MYO1D: variants seen among roughly 807,000 people sequenced by gnomAD.
MYO1D encodes myosin ID, also known as unconventional myosin-Id.
Under a neutral mutation model 122.0 loss-of-function variants are expected in MYO1D, and 83 were observed. The ratio of observed to expected loss-of-function variants is 0.68; its 90% CI spans 0.57 to 0.82. The LOEUF (loss-of-function observed/expected upper bound fraction) is 0.82, where lower values mean the gene tolerates loss of function less well. Ranked by LOEUF, MYO1D falls within the 40% of genes least tolerant of loss-of-function variation. The pLI, the probability that MYO1D is intolerant of heterozygous loss-of-function variation, is 0.00. For missense variants in MYO1D, 1,157 were observed against 1,269.5 expected, an observed-to-expected ratio of 0.91 and a Z score of 1.35; for synonymous variants, 464 against 446.9, an observed-to-expected ratio of 1.04 and a Z score of -0.48.
chr17:32,644,421 C>G (rs528306918), intron 19 of MYO1D, among the ~76,000 whole-genome samples: 29 of 152,252 alleles, frequency 1.9e-4, no homozygotes, highest in African/African-American at 5.5e-4. Context: ...CTGTAGATGT[C>G]TATTAGGTCC....
intron 1 of MYO1D, among the ~76,000 whole-genome samples, chr17:32,797,596 A>G (rs1477106029): frequency 6.6e-6 from 1 of 152,236 alleles, no homozygotes; most frequent in African/African-American, 2.4e-5. Flanking sequence ...CTGTGCCTAA[A>G]TTAAAAATTA....
intron 1 of MYO1D, among the ~76,000 whole-genome samples, chr17:32,876,524 C>A (rs1248655894): frequency 2.6e-5 from 4 of 152,160 alleles, no homozygotes; most frequent in African/African-American, 9.7e-5. Context: ...GCGCCCAGGG[C>A]TCCCCTCTCA....
chr17:32,674,442 T>C (rs1219712392), intron 16 of MYO1D, among the ~76,000 whole-genome samples: 2 of 152,224 alleles, frequency 1.3e-5, no homozygotes, highest in Non-Finnish European at 2.9e-5. Context: ...TGACTGGTAT[T>C]ACCCCAAGAG....
At chr17:32,669,432 G>A (rs185300232) in intron 16 of MYO1D, among the ~76,000 whole-genome samples, 2 of 152,328 alleles carry the variant, frequency 1.3e-5, no homozygotes, top group East Asian at 3.9e-4. Context: ...CCTATCTCAT[G>A]TCTAGTCACA....
intron 1 of MYO1D, among the ~76,000 whole-genome samples, chr17:32,835,018 A>AAAAC (rs901250367): frequency 6.6e-6 from 1 of 152,178 alleles, no homozygotes; most frequent in Non-Finnish European, 1.5e-5. Context: ...TTCAAAAACA[A>AAAAC]AAACAAACAA....
intron 20 of MYO1D, among the ~76,000 whole-genome samples, chr17:32,635,453 C>T (rs141446568): frequency 7.9e-5 from 12 of 152,242 alleles, no homozygotes; most frequent in African/African-American, 1.7e-4. Context: ...GTAATCCCAG[C>T]GCTTTGAGAG....
chr17:32,684,736 A>G (rs2088981044), intron 16 of MYO1D, among the ~76,000 whole-genome samples: 1 of 152,202 alleles, frequency 6.6e-6, no homozygotes, highest in African/African-American at 2.4e-5. Context: ...AGAATTTCAA[A>G]TTCACTGTTG....
At chr17:32,706,279 G>T (rs1313974109) in intron 16 of MYO1D, among the ~76,000 whole-genome samples, 2 of 152,168 alleles carry the variant, frequency 1.3e-5, no homozygotes, top group Middle Eastern at 3.4e-3. Flanking sequence ...GTTAATTTTT[G>T]TATTTTTAGT....
At chr17:32,529,298 G>A (rs946402104) in intron 21 of MYO1D, among the ~76,000 whole-genome samples, 4 of 148,700 alleles carry the variant, frequency 2.7e-5, no homozygotes, top group African/African-American at 9.9e-5. Flanking sequence ...AGGCATCACA[G>A]AACATAGCAG....
chr17:32,690,715 C>G (rs1050119749), intron 16 of MYO1D, among the ~76,000 whole-genome samples: 1 of 152,154 alleles, frequency 6.6e-6, no homozygotes, highest in Non-Finnish European at 1.5e-5. Context: ...GTGATGCCTG[C>G]TCCCCCTCTG....
intron 21 of MYO1D, chr17:32,495,484 G>C (rs1035554512): frequency 6.6e-6 from 1 of 152,302 alleles, no homozygotes; most frequent in South Asian, 2.1e-4. Context: ...GTGCCCCACC[G>C]GGGGCTGCAG....
intron 16 of MYO1D, among the ~76,000 whole-genome samples, chr17:32,679,377 G>GT (rs895688971): frequency 2.6e-5 from 4 of 151,954 alleles, no homozygotes; most frequent in African/African-American, 9.7e-5. Flanking sequence ...TTCTTCTAGG[G>GT]TTTTTATGGT....
rs754865958 is a variant in MYO1D, at chr17:32,760,464, G to C, written c.1181+18C>G. On this transcript the variant is annotated intron_variant, in intron 9 of 21. Coordinates refer to ENST00000318217, the MANE Select transcript of MYO1D (RefSeq NM_015194.3). ...TAGAAAACAGGCAACAAGGTTTTAA[G>C]TATCTTTTCCAGTTTACCTGTTGTT... The C allele has an allele frequency of 5.6e-6, 9 of 1,608,958 alleles. 1 individual carries two copies. In the East Asian group the frequency reaches 1.8e-4, roughly 32 times the overall value.
chr17:32,742,028 A>AG (rs935877557), intron 13 of MYO1D, among the ~76,000 whole-genome samples: 2 of 151,522 alleles, frequency 1.3e-5, no homozygotes, highest in African/African-American at 4.8e-5. Context: ...AAAAAAAAAA[A>AG]AAGTAAATTA....
rs1370261676 is a variant in MYO1D at position 32,828,494 on chromosome 17, C to A, written c.96-47710G>T. On this transcript the variant is annotated intron_variant, in intron 1 of 21. Coordinates refer to ENST00000318217, the MANE Select transcript of MYO1D (RefSeq NM_015194.3). ...TCGCACCACTGAACTCCAGCCTGGACGACAGAGCGAGACTCCGTCTCAAAA... is the reference window on the plus strand; with the variant it reads ...TCGCACCACTGAACTCCAGCCTGGAAGACAGAGCGAGACTCCGTCTCAAAA... Among the ~76,000 whole-genome samples, 4 of 122,004 alleles carry A rather than the reference C, an allele frequency of 3.3e-5. No individual in the cohort carries two copies. In the East Asian group the frequency reaches 7.3e-4, roughly 22 times the overall value. The allele number at this position is 122,004 out of a possible 152,430, so 80.0% of individuals were successfully genotyped here. A position where few individuals can be genotyped will look rare whatever the true frequency, so the allele number is the denominator to read the frequency against.
chr17:32,754,386 C>T (rs2089926651), intron 11 of MYO1D, among the ~76,000 whole-genome samples: 1 of 152,132 alleles, frequency 6.6e-6, no homozygotes, highest in South Asian at 2.1e-4. Context: ...ACCCAAAACC[C>T]TAACATGAAA....
chr17:32,617,262 C>T (rs755835210), intron 20 of MYO1D, among the ~76,000 whole-genome samples: 4 of 152,158 alleles, frequency 2.6e-5, no homozygotes, highest in African/African-American at 4.8e-5. Context: ...CAAAAGGCCT[C>T]ATAAGGCTCT....
intron 1 of MYO1D, among the ~76,000 whole-genome samples, chr17:32,781,916 A>G (rs145119413): frequency 1.3e-5 from 2 of 152,364 alleles, no homozygotes; most frequent in Non-Finnish European, 2.9e-5. Context: ...ATGTTTCCAC[A>G]TAACAAGTGG....
chr17:32,615,681 C>A (rs1208229648), intron 20 of MYO1D, among the ~76,000 whole-genome samples: 1 of 152,144 alleles, frequency 6.6e-6, no homozygotes, highest in African/African-American at 2.4e-5. Context: ...TTGTAAAATC[C>A]TTTGTTAAAA....
Sources: gnomAD v4.1 joint callset for allele counts (sites outside exome capture counted in the v4.1 genomes callset) on GRCh38, gnomAD v4.1.1 for gene constraint, MANE v1.5 for transcripts, NCBI Gene and HGNC (gene_info 2026-07-23, HGNC 2026-07-21) for gene names.